The following SPRY3 variants were observed in gnomAD, a reference collection of about 807,000 sequenced individuals.
SPRY3 encodes protein sprouty homolog 3.
Under a neutral mutation model 20.2 loss-of-function variants are expected in SPRY3, and 15 were observed. The ratio of observed to expected loss-of-function variants is 0.74; its 90% CI spans 0.50 to 1.14. The LOEUF (loss-of-function observed/expected upper bound fraction) is 1.14. SPRY3 is among the 50% of genes most tolerant of loss of function. SPRY3 has a pLI of 0.00. For synonymous variants in SPRY3, 143 were observed against 136.5 expected, an observed-to-expected ratio of 1.05 and a Z score of -0.33; for missense variants, 364 against 363.9, an observed-to-expected ratio of 1.00 and a Z score of 0.00.
At chrX:155,730,517 G>T (rs956405971) in intron 2 of SPRY3, among the ~76,000 whole-genome samples, 1 of 151,990 alleles carries the variant, frequency 6.6e-6, no homozygotes, top group Non-Finnish European at 1.5e-5. Context: ...TTAAAAACTG[G>T]ATATATAGAT....
In SPRY3 at chrX:155,773,780, C is replaced by A; in HGVS notation, c.-92C>A. The A allele has an allele frequency of 1.4e-6, 2 of 1,419,908 alleles. No individual in the cohort carries two copies. The highest frequency in any genetic ancestry group is 1.9e-6 in the Non-Finnish European group (2 of 1,040,144). 88.0% of individuals were successfully genotyped at this position (1,419,908 alleles called of 1,614,324 possible). A position where few individuals can be genotyped will look rare whatever the true frequency, so the allele number is the denominator to read the frequency against. On this transcript the variant is annotated 5_prime_UTR_variant, in exon 4 of 4. The change creates a premature stop within an existing upstream ORF in the 5' untranslated region. Transcript: ENST00000675360. Reference sequence around the variant, plus strand: ...TTCTCTCCTAGGATTTTCTCATGTGCCCTGAAATCCATGTAACTACAAGGG... The same window carrying A: ...TTCTCTCCTAGGATTTTCTCATGTGACCTGAAATCCATGTAACTACAAGGG...
chrX:155,624,400 A>G (rs1428823581), intron 1 of SPRY3, among the ~76,000 whole-genome samples: 2 of 112,234 alleles, frequency 1.8e-5, no homozygotes, highest in African/African-American at 3.2e-5. Flanking sequence ...AATTACAGAA[A>G]AACACAAATG....
exon 4 of SPRY3, chrX:155,774,237 C>T: frequency 6.2e-7 from 1 of 1,614,004 alleles, no homozygotes; most frequent in East Asian, 2.2e-5. Flanking sequence ...CAGGGGTCCA[C>T]CCAAAGGCTG....
intron 2 of SPRY3, among the ~76,000 whole-genome samples, chrX:155,722,118 T>A (rs2091063238): frequency 6.6e-6 from 1 of 152,234 alleles, no homozygotes; most frequent in South Asian, 2.1e-4. Context: ...GCTTGTATGT[T>A]CATTTATACA....
At chrX:155,633,118 A>T (rs782050095) in intron 1 of SPRY3, among the ~76,000 whole-genome samples, 1 of 111,382 alleles carries the variant, frequency 9.0e-6, no homozygotes, top group South Asian at 3.8e-4. Context: ...TTGGAATGAA[A>T]TAGATGGGTA....
intron 3 of SPRY3, among the ~76,000 whole-genome samples, chrX:155,770,533 G>A (rs975167699): frequency 1.3e-5 from 2 of 152,064 alleles, no homozygotes; most frequent in African/African-American, 4.8e-5. Context: ...CATTACTGCA[G>A]AGGCACTACG....
chrX:155,659,104 CTTCTTTCTTTCTTTCTTTCTTTCT>C (rs199567564), intron 2 of SPRY3, among the ~76,000 whole-genome samples: 5 of 83,946 alleles, frequency 6.0e-5, no homozygotes, highest in African/African-American at 1.4e-4. Context: ...TTTTTTCTTT[CTTCTTTCTTTCTTTCTTTCTTTCT>C]TTCTTTCTTT....
At chrX:155,753,708 CCAGCAGTGTATG>C (rs2091273022) in intron 2 of SPRY3, among the ~76,000 whole-genome samples, 1 of 151,904 alleles carries the variant, frequency 6.6e-6, no homozygotes, top group Admixed American at 6.6e-5. Flanking sequence ...TACAATCTCA[CCAGCAGTGTATG>C]AGGCTTCCAA....
intron 2 of SPRY3, among the ~76,000 whole-genome samples, chrX:155,676,144 A>G (rs2068058312): frequency 9.0e-6 from 1 of 111,279 alleles, no homozygotes; most frequent in Middle Eastern, 4.2e-3. Flanking sequence ...GTCTTCAAAG[A>G]TCACCAAGAA....
chrX:155,699,144 A>G (rs1441843250), intron 2 of SPRY3, among the ~76,000 whole-genome samples: 4 of 112,109 alleles, frequency 3.6e-5, no homozygotes, highest in African/African-American at 1.3e-4. Context: ...AGACAACAAC[A>G]GTGTCTCTAT....
At chrX:155,740,838 C>G (rs2091201146) in intron 2 of SPRY3, among the ~76,000 whole-genome samples, 1 of 145,546 alleles carries the variant, frequency 6.9e-6, no homozygotes, top group East Asian at 1.9e-4. Context: ...CACCCCCTCC[C>G]CTTTTGAAAC....
intron 2 of SPRY3, among the ~76,000 whole-genome samples, chrX:155,753,619 A>G (rs2091272679): frequency 6.6e-6 from 1 of 151,918 alleles, no homozygotes. Context: ...ATCATATGAT[A>G]ACTTCATGTT....
intron 1 of SPRY3, among the ~76,000 whole-genome samples, chrX:155,618,610 G>A (rs73579148): frequency 1.4e-3 from 155 of 111,601 alleles, no homozygotes; most frequent in African/African-American, 4.8e-3. Flanking sequence ...CTACAACACC[G>A]TCTTCCAGAG....
At chrX:155,755,951 G>C (rs2091282020) in intron 2 of SPRY3, among the ~76,000 whole-genome samples, 1 of 152,050 alleles carries the variant, frequency 6.6e-6, no homozygotes, top group Non-Finnish European at 1.5e-5. Context: ...GGGAGAGAAA[G>C]TATAACAAGA....
At chrX:155,686,438 C>T (rs1304967966) in intron 2 of SPRY3, among the ~76,000 whole-genome samples, 2 of 111,699 alleles carry the variant, frequency 1.8e-5, no homozygotes, top group African/African-American at 6.5e-5. Flanking sequence ...AAAGTTTTTG[C>T]AGTGCTATTT....
chrX:155,718,469 T>A (rs1475430081), intron 2 of SPRY3, among the ~76,000 whole-genome samples: 1 of 151,976 alleles, frequency 6.6e-6, no homozygotes, highest in African/African-American at 2.4e-5. Context: ...AACAAATTAA[T>A]CAAATAAAAT....
chrX:155,758,983 T>A (rs2091293838), intron 2 of SPRY3, among the ~76,000 whole-genome samples: 1 of 152,142 alleles, frequency 6.6e-6, no homozygotes, highest in Non-Finnish European at 1.5e-5. Flanking sequence ...TAAGGGACCC[T>A]CTTAGAATGG....
intron 2 of SPRY3, among the ~76,000 whole-genome samples, chrX:155,767,642 G>C (rs1307662166): frequency 1.4e-5 from 2 of 147,076 alleles, no homozygotes; most frequent in East Asian, 2.0e-4. Context: ...GAGGGGGAGG[G>C]GGAAGAGAAA....
intron 1 of SPRY3, among the ~76,000 whole-genome samples, chrX:155,619,818 T>C (rs1485761821): frequency 1.8e-5 from 2 of 111,600 alleles, no homozygotes; most frequent in African/African-American, 3.2e-5. Context: ...CTATAATACA[T>C]ATAGAACTCT....
Sources: allele counts gnomAD v4.1 joint callset (sites outside exome capture counted in the v4.1 genomes callset), GRCh38; gene constraint gnomAD v4.1.1; transcripts MANE v1.5; gene names NCBI Gene and HGNC (gene_info 2026-07-23, HGNC 2026-07-21).